EPHA7: variants seen among roughly 807,000 people sequenced by gnomAD.
EPHA7 encodes EPH receptor A7, also known as ephrin type-A receptor 7.
In EPHA7, 25 loss-of-function variants were observed where a neutral mutation model predicts 112.6. The observed-to-expected ratio is 0.22, with a 90% CI of 0.16 to 0.31. EPHA7 has a LOEUF of 0.31. Ranked by LOEUF, EPHA7 falls within the 10% of genes least tolerant of loss-of-function variation. EPHA7 has a pLI of 1.00. For missense variants in EPHA7, 962 were observed against 1,212.6 expected, an observed-to-expected ratio of 0.79 and a Z score of 3.07; for synonymous variants, 437 against 406.5, an observed-to-expected ratio of 1.07 and a Z score of -0.90.
chr6:93,406,187 A>T (rs1240205930), intron 3 of EPHA7, among the ~76,000 whole-genome samples: 1 of 151,634 alleles, frequency 6.6e-6, no homozygotes, highest in African/African-American at 2.4e-5. Flanking sequence ...AAAATTTTAC[A>T]TATTTGCTTT....
intron 5 of EPHA7, among the ~76,000 whole-genome samples, chr6:93,313,623 C>A (rs1773648196): frequency 6.6e-6 from 1 of 151,660 alleles, no homozygotes; most frequent in Non-Finnish European, 1.5e-5. Flanking sequence ...AAAACAATTA[C>A]TAAATAAAAA....
At chr6:93,258,065 T>C in intron 11 of EPHA7, 34 bp downstream of exon 11, 1 of 1,581,674 alleles carries the variant, frequency 6.3e-7, no homozygotes. Context: ...ACACTCAGTC[T>C]TTTTGATAAA....
chr6:93,258,208 C>A lies in EPHA7; in HGVS notation c.2001G>T (p.Leu667=), dbSNP rs755250354. 1 of 1,613,410 alleles carries A rather than the reference C, an allele frequency of 6.2e-7. No homozygotes were observed. Among genetic ancestry groups the A allele is most frequent in the Non-Finnish European group, 8.5e-7 (1 of 1,179,612 alleles). ...KRDVAVAIKT[L]KVGYTEKQRR... Reference sequence around the variant, plus strand: ...TTTGTTTTTCTGTGTAACCAACTTTCAGGGTTTTTATGGCTACTGCAACAT... The same window carrying A: ...TTTGTTTTTCTGTGTAACCAACTTTAAGGGTTTTTATGGCTACTGCAACAT... Residue 667 remains leucine, a synonymous_variant, in exon 11 of 17, where the codon CTG becomes CTT. Transcript: ENST00000369303.
chr6:93,346,531 TA>T, intron 5 of EPHA7, among the ~76,000 whole-genome samples: 1 of 151,966 alleles, frequency 6.6e-6, no homozygotes. Flanking sequence ...ACAAATGTGT[TA>T]GTTTGTATTC....
chr6:93,414,696 A>C lies in EPHA7; in HGVS notation c.162+7T>G. On this transcript the variant is annotated splice_region_variant and intron_variant, in intron 2 of 16. Coordinates refer to ENST00000369303, the MANE Select transcript of EPHA7 (RefSeq NM_004440.4). ...AAAAGTGATATTTTATGATGAAAAA[A>C]ACTTACCCCATTGGGTGGAGAGGAA... 6.2e-7 allele frequency: 1 copy of C among 1,609,912 alleles called. No homozygotes were observed. The highest frequency in any genetic ancestry group is 1.1e-5 in the South Asian group (1 of 90,902).
At chr6:93,334,255 T>G (rs1272812105) in intron 5 of EPHA7, among the ~76,000 whole-genome samples, 3 of 151,988 alleles carry the variant, frequency 2.0e-5, no homozygotes, top group Non-Finnish European at 4.4e-5. Flanking sequence ...AAACTCAATA[T>G]GGATTAAAGA....
intron 5 of EPHA7, among the ~76,000 whole-genome samples, chr6:93,307,997 G>A (rs915674686): frequency 6.6e-6 from 1 of 152,208 alleles, no homozygotes; most frequent in African/African-American, 2.4e-5. Flanking sequence ...AGAATAAAGA[G>A]AGAATATGAT....
chr6:93,356,650 T>C, intron 5 of EPHA7, 67 bp downstream of exon 5: 2 of 1,387,580 alleles, frequency 1.4e-6, no homozygotes, highest in Non-Finnish European at 2.0e-6. Flanking sequence ...TAACTAAATG[T>C]TCAAGTAAGA....
At chr6:93,399,405 CT>C (rs137885261) in intron 3 of EPHA7, among the ~76,000 whole-genome samples, 1,684 of 152,066 alleles carry the variant, frequency 0.011, 29 homozygotes, top group African/African-American at 0.039. Context: ...CTTTGTTGTT[CT>C]GTGAAGCAAT....
chr6:93,296,145 A>T (rs1772651476), intron 5 of EPHA7, among the ~76,000 whole-genome samples: 1 of 151,398 alleles, frequency 6.6e-6, no homozygotes, highest in Non-Finnish European at 1.5e-5. Flanking sequence ...ATAGCCCCTT[A>T]TAGATTTAAT....
intron 5 of EPHA7, among the ~76,000 whole-genome samples, chr6:93,355,593 T>C (rs1934182131): frequency 1.3e-5 from 2 of 152,212 alleles, no homozygotes; most frequent in African/African-American, 4.8e-5. Flanking sequence ...CTTTGTTGCA[T>C]TTACTACATA....
chr6:93,344,508 G>A lies in EPHA7; in HGVS notation c.1324+12209C>T, dbSNP rs7766712. ...AGTCTTTACCAGTCTGATAAATGTT[G>A]TATGAAATCAGCATAAAAAGTAATC... On this transcript the variant is annotated intron_variant, in intron 5 of 16. Transcript: ENST00000369303. Among the ~76,000 whole-genome samples, 1,260 of 151,682 alleles carry A rather than the reference G, an allele frequency of 8.3e-3. 17 individuals carry two copies. Among genetic ancestry groups the A allele is most frequent in the African/African-American group, 0.028 (1,156 of 41,456 alleles).
intron 5 of EPHA7, among the ~76,000 whole-genome samples, chr6:93,340,210 GTGTGTATA>G (rs1259357789): frequency 6.6e-6 from 1 of 151,636 alleles, no homozygotes; most frequent in Non-Finnish European, 1.5e-5. Flanking sequence ...GTATGTATAC[GTGTGTATA>G]TGTGTATGTG....
chr6:93,419,288 C>T lies in EPHA7; in HGVS notation c.54G>A (p.Leu18=). The T allele has an allele frequency of 1.2e-6, 2 of 1,614,140 alleles. No homozygotes were observed. The highest frequency in any genetic ancestry group is 8.5e-7 in the Non-Finnish European group (1 of 1,179,982). ...PSWIILCYIW[L]LRFAHTGEAQ... Reference sequence around the variant, plus strand: ...CCTCCCCTGTGTGTGCAAAGCGGAGCAGCCAGATGTAGCATAAAATAATCC... The same window carrying T: ...CCTCCCCTGTGTGTGCAAAGCGGAGTAGCCAGATGTAGCATAAAATAATCC... Residue 18 remains leucine (L), a synonymous_variant, in exon 1 of 17, where the codon CTG becomes CTA. Coordinates refer to ENST00000369303, the MANE Select transcript of EPHA7 (RefSeq NM_004440.4).
At position 93,258,296 on chromosome 6, in the gene EPHA7, G is replaced by A; in HGVS notation, c.1925-12C>T. On this transcript the variant is annotated splice_polypyrimidine_tract_variant and intron_variant, in intron 10 of 16. Coordinates refer to ENST00000369303, the MANE Select transcript of EPHA7 (RefSeq NM_004440.4). ...TTCACCGAATTCTCCTGAAGTAACA[G>A]AACAAGCAGGCATATTTTAGTTTCT... 1 of 1,532,974 alleles carries A rather than the reference G, an allele frequency of 6.5e-7. No homozygotes were observed. The highest frequency in any genetic ancestry group is 1.3e-5 in the South Asian group (1 of 75,658). The allele number at this position is 1,532,974 out of a possible 1,614,324, so 95.0% of individuals were successfully genotyped here. A position where few individuals can be genotyped will look rare whatever the true frequency, so the allele number is the denominator to read the frequency against.
At chr6:93,409,093 G>T (rs1778852509) in intron 3 of EPHA7, among the ~76,000 whole-genome samples, 1 of 151,784 alleles carries the variant, frequency 6.6e-6, no homozygotes, top group East Asian at 1.9e-4. Context: ...GTGGCTGCTG[G>T]GTTCAGTACT....
chr6:93,368,632 T>G (rs1776630923), intron 3 of EPHA7, among the ~76,000 whole-genome samples: 1 of 152,108 alleles, frequency 6.6e-6, no homozygotes, highest in Non-Finnish European at 1.5e-5. Context: ...ATATTTGTGG[T>G]GCAAGCCTTG....
chr6:93,264,564 G>A, intron 8 of EPHA7, 30 bp downstream of exon 8: 2 of 1,385,876 alleles, frequency 1.4e-6, no homozygotes, highest in African/African-American at 1.4e-5. Context: ...TACATTTTAT[G>A]TTAGAGATTA....
intron 3 of EPHA7, among the ~76,000 whole-genome samples, chr6:93,369,180 C>CCACACACACA (rs35708007): frequency 2.1e-5 from 3 of 144,822 alleles, no homozygotes; most frequent in African/African-American, 7.7e-5. Context: ...AAAATAAAGG[C>CCACACACACA]CACACACACA....
Sources: gnomAD v4.1 joint callset for allele counts (sites outside exome capture counted in the v4.1 genomes callset) on GRCh38, gnomAD v4.1.1 for gene constraint, MANE v1.5 for transcripts, NCBI Gene and HGNC (gene_info 2026-07-23, HGNC 2026-07-21) for gene names.